CHRNA7: variants seen among roughly 807,000 people sequenced by gnomAD.
The protein encoded by CHRNA7 is neuronal acetylcholine receptor subunit alpha-7.
Under a neutral mutation model 48.0 loss-of-function variants are expected in CHRNA7, and 17 were observed. That is an observed-to-expected ratio of 0.35 (90% CI 0.24 to 0.53). The LOEUF is 0.53. CHRNA7 is among the 20% of genes least tolerant of loss of function. CHRNA7 has a pLI of 0.92. For synonymous variants in CHRNA7, 75 were observed against 242.3 expected, an observed-to-expected ratio of 0.31 and a Z score of 6.41; for missense variants, 155 against 577.7, an observed-to-expected ratio of 0.27 and a Z score of 7.50.
chr15:32,089,992 T>G (rs1012073277), intron 2 of CHRNA7, among the ~76,000 whole-genome samples: 2 of 152,194 alleles, frequency 1.3e-5, no homozygotes, highest in Admixed American at 1.3e-4. Context: ...TGGACTGTAG[T>G]TCACAGTAGT....
intron 2 of CHRNA7, among the ~76,000 whole-genome samples, chr15:32,056,004 C>G (rs757439656): frequency 6.6e-6 from 1 of 151,822 alleles, no homozygotes; most frequent in Non-Finnish European, 1.5e-5. Context: ...AAAACAAAAC[C>G]ATTGCAGTTA....
Position 32,041,328 on chromosome 15 carries a change from G to T in CHRNA7, c.195+10291G>T, listed in dbSNP as rs547542432. ...GAAGACAATTTTTCCATAGACTGTC[G>T]GGGGCCATGGTTTTGGGATGAAACT... On this transcript the variant is annotated intron_variant, in intron 2 of 9. Transcript: ENST00000306901. 2.0e-5 allele frequency among the ~76,000 whole-genome samples: 3 copies of T among 152,134 alleles called. No individual in the cohort carries two copies. The South Asian group carries it at 6.2e-4, about 32-fold the overall frequency.
At chr15:32,124,218 C>CAT (rs1319997045) in intron 4 of CHRNA7, among the ~76,000 whole-genome samples, 1 of 151,930 alleles carries the variant, frequency 6.6e-6, no homozygotes, top group Non-Finnish European at 1.5e-5. Flanking sequence ...TGCCAAATGC[C>CAT]ATAAGAAGAA....
At chr15:32,130,806 CTCTT>C (rs1264961251) in intron 4 of CHRNA7, among the ~76,000 whole-genome samples, 2 of 151,762 alleles carry the variant, frequency 1.3e-5, no homozygotes, top group Non-Finnish European at 2.9e-5. Flanking sequence ...GTTTTTTTCT[CTCTT>C]TCAAGAACTT....
chr15:32,040,036 G>A (rs2049418662), intron 2 of CHRNA7, among the ~76,000 whole-genome samples: 1 of 152,034 alleles, frequency 6.6e-6, no homozygotes, highest in African/African-American at 2.4e-5. Flanking sequence ...TTGCTTTGAA[G>A]TACGCTCTAT....
chr15:32,119,413 C>T (rs1220939854), intron 4 of CHRNA7, among the ~76,000 whole-genome samples: 4 of 152,178 alleles, frequency 2.6e-5, no homozygotes, highest in Admixed American at 1.3e-4. Flanking sequence ...TGCCCTGAGG[C>T]GGGAACATGC....
chr15:32,044,224 C>T (rs1277705035), intron 2 of CHRNA7, among the ~76,000 whole-genome samples: 3 of 144,268 alleles, frequency 2.1e-5, no homozygotes, highest in Non-Finnish European at 4.6e-5. Context: ...AAGTTTTGGA[C>T]AATTGTTGCC....
chr15:32,070,754 T>C lies in CHRNA7; in HGVS notation c.196-30549T>C, dbSNP rs553795864. On this transcript the variant is annotated intron_variant, in intron 2 of 9. Transcript: ENST00000306901. ...CAGGCTGGAGTGCAGTGGCACGATC[T>C]TGGCTCACTGCAAACTCTGCCTCGC... is the stretch of plus-strand genomic sequence containing the variant. 1.3e-4 allele frequency among the ~76,000 whole-genome samples: 18 copies of C among 140,940 alleles called. No individual in the cohort carries two copies. In the South Asian group the frequency reaches 2.5e-3, roughly 20 times the overall value. 92.5% of individuals were successfully genotyped at this position (140,940 alleles called of 152,430 possible). A position where few individuals can be genotyped will look rare whatever the true frequency, so the allele number is the denominator to read the frequency against.
At chr15:32,109,267 AT>A (rs1440778848) in intron 3 of CHRNA7, among the ~76,000 whole-genome samples, 1 of 152,078 alleles carries the variant, frequency 6.6e-6, no homozygotes, top group Non-Finnish European at 1.5e-5. Flanking sequence ...CTAAACTGTC[AT>A]GGAGCTGGTG....
chr15:32,121,720 T>G (rs1027390306), intron 4 of CHRNA7, among the ~76,000 whole-genome samples: 1 of 152,210 alleles, frequency 6.6e-6, no homozygotes, highest in Non-Finnish European at 1.5e-5. Flanking sequence ...CTGCTGTTAA[T>G]GGTGCCTTTT....
intron 3 of CHRNA7, among the ~76,000 whole-genome samples, chr15:32,107,546 CA>C (rs1455322802): frequency 6.6e-6 from 1 of 151,846 alleles, no homozygotes; most frequent in Non-Finnish European, 1.5e-5. Flanking sequence ...AGTTTCAGAA[CA>C]GGAATTCAGC....
At chr15:32,121,678 G>A (rs1190211406) in intron 4 of CHRNA7, among the ~76,000 whole-genome samples, 2 of 152,218 alleles carry the variant, frequency 1.3e-5, no homozygotes. Flanking sequence ...GTCTGTCTGG[G>A]ACAGCCCGGG....
chr15:32,117,221 G>C (rs1328331779), intron 4 of CHRNA7, among the ~76,000 whole-genome samples: 1 of 152,200 alleles, frequency 6.6e-6, no homozygotes, highest in African/African-American at 2.4e-5. Flanking sequence ...TCCTACTGGG[G>C]AGCTCTGGGA....
At chr15:32,055,541 G>A (rs2049772091) in intron 2 of CHRNA7, among the ~76,000 whole-genome samples, 1 of 152,140 alleles carries the variant, frequency 6.6e-6, no homozygotes, top group African/African-American at 2.4e-5. Context: ...CCTTCATAAT[G>A]AACCCACTCC....
At chr15:32,122,701 G>A (rs2050993074) in intron 4 of CHRNA7, among the ~76,000 whole-genome samples, 2 of 151,934 alleles carry the variant, frequency 1.3e-5, no homozygotes, top group Admixed American at 6.6e-5. Flanking sequence ...AATTCTAACA[G>A]CACTTATTGA....
At chr15:32,123,569 A>G (rs1006806329) in intron 4 of CHRNA7, among the ~76,000 whole-genome samples, 4 of 152,200 alleles carry the variant, frequency 2.6e-5, no homozygotes, top group Non-Finnish European at 5.9e-5. Flanking sequence ...TTATCAGACT[A>G]CAGCAAAAAC....
intron 2 of CHRNA7, 36 bp downstream of exon 2, chr15:32,031,073 C>T (rs1486788534): frequency 5.6e-6 from 9 of 1,611,466 alleles, no homozygotes; most frequent in South Asian, 1.1e-5. Context: ...GCCCTCTCCC[C>T]TTCCTGGGCT....
chr15:32,144,355 C>T (rs1282508785), intron 4 of CHRNA7, among the ~76,000 whole-genome samples: 2 of 152,160 alleles, frequency 1.3e-5, no homozygotes, highest in South Asian at 2.1e-4. Context: ...CATTTTTTCC[C>T]TTCATTTCAA....
intron 3 of CHRNA7, 48 bp downstream of exon 3, chr15:32,101,395 A>G (rs973216284): frequency 1.3e-6 from 2 of 1,544,744 alleles, no homozygotes; most frequent in Non-Finnish European, 1.7e-6. Context: ...AAGATCTTGC[A>G]CCCAAGATTC....
Sources: gnomAD v4.1 joint callset for allele counts (sites outside exome capture counted in the v4.1 genomes callset) on GRCh38, gnomAD v4.1.1 for gene constraint, MANE v1.5 for transcripts, NCBI Gene and HGNC (gene_info 2026-07-23, HGNC 2026-07-21) for gene names.